The following AGAP1 variants were observed in gnomAD, a reference collection of about 807,000 sequenced individuals.
AGAP1 encodes the protein arf-GAP with GTPase, ANK repeat and PH domain-containing protein 1.
In AGAP1, 29 loss-of-function variants were observed where a neutral mutation model predicts 105.3. The ratio of observed to expected loss-of-function variants is 0.28; its 90% CI spans 0.21 to 0.38. AGAP1 has a LOEUF of 0.38. Ranked by LOEUF, AGAP1 falls within the 10% of genes least tolerant of loss-of-function variation. The pLI, the probability that AGAP1 is intolerant of heterozygous loss-of-function variation, is 1.00. For missense variants in AGAP1, 998 were observed against 1,165.1 expected, an observed-to-expected ratio of 0.86 and a Z score of 2.09; for synonymous variants, 509 against 485.9, an observed-to-expected ratio of 1.05 and a Z score of -0.63.
chr2:235,657,641 C>T (rs1324015613), intron 1 of AGAP1, among the ~76,000 whole-genome samples: 1 of 152,196 alleles, frequency 6.6e-6, no homozygotes, highest in Non-Finnish European at 1.5e-5. Context: ...CTCGGCCTCC[C>T]AAAGTGCTGG....
intron 1 of AGAP1, among the ~76,000 whole-genome samples, chr2:235,595,779 A>G (rs1945506794): frequency 6.6e-6 from 1 of 152,216 alleles, no homozygotes; most frequent in African/African-American, 2.4e-5. Flanking sequence ...GTTGACAGCG[A>G]TATGAGGTGG....
intron 17 of AGAP1, among the ~76,000 whole-genome samples, chr2:236,122,458 G>A (rs1437528541): frequency 1.3e-5 from 2 of 152,150 alleles, no homozygotes; most frequent in Non-Finnish European, 2.9e-5. Context: ...TCCTTTGATG[G>A]CGCTGGTTCC....
chr2:235,536,917 C>T (rs1490637337), intron 1 of AGAP1, among the ~76,000 whole-genome samples: 1 of 152,124 alleles, frequency 6.6e-6, no homozygotes, highest in Non-Finnish European at 1.5e-5. Flanking sequence ...TTGGACAGGC[C>T]ATGGCTCCCC....
chr2:236,087,285 G>A lies in AGAP1; in HGVS notation c.2115-32907G>A, dbSNP rs889041110. ...TCCAGTGTTATTTAGGGGTCGAGGTGGGAATGAGAGGAAGCCAGAGCCCGG... is the reference window on the plus strand; with the variant it reads ...TCCAGTGTTATTTAGGGGTCGAGGTAGGAATGAGAGGAAGCCAGAGCCCGG... On this transcript the variant is annotated intron_variant, in intron 16 of 17. Coordinates refer to ENST00000304032, the MANE Select transcript of AGAP1 (RefSeq NM_001037131.3). The surrounding 1 kb of genome is among the most constrained non-coding windows in gnomAD (Gnocchi z 5.7). Among the ~76,000 whole-genome samples, 1 of 152,096 alleles carries A rather than the reference G, an allele frequency of 6.6e-6. No homozygotes were observed. The highest frequency in any genetic ancestry group is 1.9e-4 in the East Asian group (1 of 5,182).
At position 235,718,646 on chromosome 2, in the gene AGAP1, G is replaced by A. The variant is rs77976865; in HGVS notation, c.310+1002G>A. 6.4e-3 allele frequency among the ~76,000 whole-genome samples: 972 copies of A among 152,270 alleles called. 17 individuals are homozygous for A. Among genetic ancestry groups the A allele is most frequent in the African/African-American group, 0.022 (922 of 41,558 alleles). ...ATTTAACTCTTGTCCTGAATACTGC[G>A]GAACCGTTCGGAGAAGTATAAAAGT... On this transcript the variant is annotated intron_variant, in intron 3 of 17. Coordinates refer to ENST00000304032, the MANE Select transcript of AGAP1 (RefSeq NM_001037131.3).
At chr2:236,086,611 G>A (rs756210490) in intron 16 of AGAP1, among the ~76,000 whole-genome samples, 4 of 152,188 alleles carry the variant, frequency 2.6e-5, no homozygotes, top group Admixed American at 6.5e-5. Context: ...TCAGCATAGA[G>A]CTGATAAGTG....
intron 1 of AGAP1, among the ~76,000 whole-genome samples, chr2:235,645,207 G>A (rs1947333953): frequency 6.6e-6 from 1 of 152,096 alleles, no homozygotes; most frequent in Non-Finnish European, 1.5e-5. Context: ...AGGTGTAAGA[G>A]TTCTAATCTT....
chr2:236,022,580 G>T (rs1206174807), intron 13 of AGAP1, among the ~76,000 whole-genome samples: 1 of 152,148 alleles, frequency 6.6e-6, no homozygotes. Flanking sequence ...TGTTGCCCAG[G>T]CTGGAGTGCA....
chr2:235,896,558 G>C (rs2050816018), intron 10 of AGAP1, among the ~76,000 whole-genome samples: 1 of 152,196 alleles, frequency 6.6e-6, no homozygotes, highest in South Asian at 2.1e-4. Flanking sequence ...GAACTGTGCA[G>C]GCTTCATAAC....
rs2056535104 is a variant in AGAP1, at chr2:236,012,161, G to A, written c.1646-24400G>A. ...GGATTATTTCATCAATAGGTTAATAGAAAGCCGGGCTGCAAGTTCACTTCC... is the reference window on the plus strand; with the variant it reads ...GGATTATTTCATCAATAGGTTAATAAAAAGCCGGGCTGCAAGTTCACTTCC... On this transcript the variant is annotated intron_variant, in intron 13 of 17. Transcript: ENST00000304032. The surrounding 1 kb of genome is among the most constrained non-coding windows in gnomAD (Gnocchi z 4.9). Among the ~76,000 whole-genome samples the A allele has an allele frequency of 6.6e-6, 1 of 152,094 alleles. No homozygotes were observed. Among genetic ancestry groups the A allele is most frequent in the Non-Finnish European group, 1.5e-5 (1 of 68,026 alleles).
chr2:235,598,312 T>G (rs1178677209), intron 1 of AGAP1, among the ~76,000 whole-genome samples: 2 of 152,158 alleles, frequency 1.3e-5, no homozygotes, highest in Non-Finnish European at 2.9e-5. Flanking sequence ...ACTGGAATAA[T>G]TGGGTAAATA....
At chr2:236,103,314 A>G (rs1325609226) in intron 16 of AGAP1, among the ~76,000 whole-genome samples, 1 of 152,028 alleles carries the variant, frequency 6.6e-6, no homozygotes, top group Non-Finnish European at 1.5e-5. Flanking sequence ...GGTCCCACCC[A>G]TTGGTCACAA....
rs1322515813 is a variant in AGAP1, at chr2:236,121,458, G to A, written c.2370+1011G>A. ...TGGGATTACAGGTGCGCACCACCAC[G>A]CCCAGCTAATTTTTGTATTTTTAGT... On this transcript the variant is annotated intron_variant, in intron 17 of 17. Transcript: ENST00000304032. The surrounding 1 kb of genome is among the most constrained non-coding windows in gnomAD (Gnocchi z 4.9). Among the ~76,000 whole-genome samples the A allele has an allele frequency of 6.6e-6, 1 of 152,188 alleles. No homozygotes were observed.
intron 6 of AGAP1, among the ~76,000 whole-genome samples, chr2:235,766,321 G>C (rs2149814641): frequency 6.6e-6 from 1 of 152,294 alleles, no homozygotes; most frequent in South Asian, 2.1e-4. Flanking sequence ...GACAAGGTCT[G>C]AGCTAGAAGG....
chr2:236,061,474 G>A lies in AGAP1; in HGVS notation c.2114+12193G>A, dbSNP rs996668583. Among the ~76,000 whole-genome samples, 6 of 152,208 alleles carry A rather than the reference G, an allele frequency of 3.9e-5. No individual in the cohort carries two copies. Among genetic ancestry groups the A allele is most frequent in the African/African-American group, 7.2e-5 (3 of 41,454 alleles). ...CAGGTGTCCCTCTGTGGATGAATGG[G>A]TGAACAAAACATGGTCTGTCCGTAC... On this transcript the variant is annotated intron_variant, in intron 16 of 17. Coordinates refer to ENST00000304032, the MANE Select transcript of AGAP1 (RefSeq NM_001037131.3). The surrounding 1 kb of genome is among the most constrained non-coding windows in gnomAD (Gnocchi z 4.1).
Position 235,931,087 on chromosome 2 carries a change from G to A in AGAP1, c.1483+164G>A, listed in dbSNP as rs35953119. Among the ~76,000 whole-genome samples the A allele has an allele frequency of 0.3, 46,165 of 152,090 alleles. 8,134 individuals carry two copies. The highest frequency in any genetic ancestry group is 0.43 in the East Asian group (2,220 of 5,138). ...ACATCTTGCCTTTCATCTGTGGAAC[G>A]TTTTGTCCTTGCTAGGCTGTCTTGC... On this transcript the variant is annotated intron_variant, in intron 12 of 17. Coordinates refer to ENST00000304032, the MANE Select transcript of AGAP1 (RefSeq NM_001037131.3). The surrounding 1 kb of genome is among the most constrained non-coding windows in gnomAD (Gnocchi z 5.6).
At chr2:235,514,987 A>G (rs1022319731) in intron 1 of AGAP1, among the ~76,000 whole-genome samples, 5 of 152,244 alleles carry the variant, frequency 3.3e-5, no homozygotes, top group Admixed American at 6.5e-5. Flanking sequence ...TGAGGTTGCC[A>G]TGGCCACCAT....
In AGAP1 at chr2:236,078,440, C is replaced by T. The variant is rs972277423; in HGVS notation, c.2114+29159C>T. Among the ~76,000 whole-genome samples, 6 of 152,084 alleles carry T rather than the reference C, an allele frequency of 3.9e-5. No individual in the cohort carries two copies. The highest frequency in any genetic ancestry group is 1.4e-4 in the African/African-American group (6 of 41,388). On this transcript the variant is annotated intron_variant, in intron 16 of 17. Coordinates refer to ENST00000304032, the MANE Select transcript of AGAP1 (RefSeq NM_001037131.3). The surrounding 1 kb of genome is among the most constrained non-coding windows in gnomAD (Gnocchi z 5.3). ...GGTTGTGTGTGATGAAATCACTGGC[C>T]GCCGTGGCCTGGCCAGGTTGACATG...
chr2:235,743,806 A>G (rs908407799), intron 4 of AGAP1, among the ~76,000 whole-genome samples: 1 of 152,186 alleles, frequency 6.6e-6, no homozygotes, highest in Non-Finnish European at 1.5e-5. Flanking sequence ...TCAAATTTGC[A>G]CTTGGAAAGA....
Sources: allele counts gnomAD v4.1 joint callset (sites outside exome capture counted in the v4.1 genomes callset), GRCh38; gene constraint gnomAD v4.1.1; non-coding constraint Gnocchi (gnomAD v3.1); transcripts MANE v1.5; gene names NCBI Gene and HGNC (gene_info 2026-07-23, HGNC 2026-07-21).